Variants in OXNAD1 observed in about 807,000 individuals in gnomAD.
OXNAD1 encodes the protein oxidoreductase NAD binding domain containing 1.
OXNAD1 carries 34 observed loss-of-function variants against 32.9 expected under a neutral mutation model. The observed-to-expected ratio is 1.03, with a 90% confidence interval of 0.79 to 1.38. The LOEUF (loss-of-function observed/expected upper bound fraction) is 1.38. Ranked by LOEUF, OXNAD1 falls within the 40% of genes most tolerant of loss-of-function variation. The probability of loss-of-function intolerance (pLI) is 0.00; values close to 1 mark genes in which losing one functional copy is unlikely to be tolerated. For missense variants in OXNAD1, 407 were observed against 379.4 expected (o/e 1.07, Z -0.60); for synonymous variants, 134 against 135.2 (o/e 0.99, Z 0.06).
chr3:16,339,096 A>G (rs2071124526), downstream of OXNAD1, among the ~76,000 whole-genome samples: 1 of 152,230 alleles, frequency 6.6e-6, no homozygotes, highest in African/African-American at 2.4e-5. Context: ...CTGGGCTGTC[A>G]CAGTCTTGAC....
chr3:16,294,424 G>C (rs1234305706), intron 5 of OXNAD1, among the ~76,000 whole-genome samples: 1 of 152,080 alleles, frequency 6.6e-6, no homozygotes, highest in African/African-American at 2.4e-5. Flanking sequence ...GGTCAGGTTG[G>C]TCTCAAACTC....
At chr3:16,313,269 CT>C (rs917144703) in intron 9 of OXNAD1, among the ~76,000 whole-genome samples, 1 of 146,248 alleles carries the variant, frequency 6.8e-6, no homozygotes, top group African/African-American at 2.6e-5. Context: ...TCTCGAACTC[CT>C]GAGCTCAAGC....
chr3:16,312,085 G>A lies in OXNAD1; in HGVS notation c.*30+8493G>A, dbSNP rs1481999066. On this transcript the variant is annotated intron_variant, in intron 9 of 9. Coordinates refer to the OXNAD1 transcript ENST00000435829. The surrounding 1 kb of genome is among the most constrained non-coding windows in gnomAD (Gnocchi z 4.7). Reference sequence around the variant, plus strand: ...GCCAGGTTCAGAGAGCCATTCATCTGCAGCCAGGGTTCATTTTCTTAGTCT... The same window carrying A: ...GCCAGGTTCAGAGAGCCATTCATCTACAGCCAGGGTTCATTTTCTTAGTCT... Among the ~76,000 whole-genome samples, 1 of 152,164 alleles carries A rather than the reference G, an allele frequency of 6.6e-6. No individual in the cohort carries two copies. Among genetic ancestry groups the A allele is most frequent in the African/African-American group, 2.4e-5 (1 of 41,430 alleles).
In OXNAD1 at chr3:16,346,433, A is replaced by G. The variant is rs1270760672; in HGVS notation, c.*31-2743A>G. 1 of 152,248 alleles carries G rather than the reference A, an allele frequency of 6.6e-6. No individual in the cohort carries two copies. Among genetic ancestry groups the G allele is most frequent in the African/African-American group, 2.4e-5 (1 of 41,460 alleles). 9.4% of individuals were successfully genotyped at this position (152,248 alleles called of 1,614,324 possible). On this transcript the variant is annotated intron_variant, in intron 9 of 9. Transcript: ENST00000606098. The surrounding 1 kb of genome is among the most constrained non-coding windows in gnomAD (Gnocchi z 4.4). ...AAGTGCAGATAAAGATTAAAGGTCA[A>G]ATACTTCCTTTTGTCATCTCATTAT...
Position 16,265,966 on chromosome 3 carries a change from G to C in OXNAD1, c.-159+461G>C, listed in dbSNP as rs2064465559. On this transcript the variant is annotated intron_variant, in intron 1 of 8. Coordinates refer to ENST00000285083, the MANE Select transcript of OXNAD1 (RefSeq NM_138381.5). This position sits in a 1 kb window ranked among gnomAD's most constrained non-coding sequence, Gnocchi z 4.8. Reference sequence around the variant, plus strand: ...CGAAATGCAGATAAAAGGCATTTTTGTCTTGAAAGCAGTGCTAGTGCCTGT... The same window carrying C: ...CGAAATGCAGATAAAAGGCATTTTTCTCTTGAAAGCAGTGCTAGTGCCTGT... 3.2e-6 allele frequency: 3 copies of C among 929,376 alleles called. No individual in the cohort carries two copies. In the African/African-American group the frequency reaches 5.4e-5, roughly 17 times the overall value. The allele number at this position is 929,376 out of a possible 1,614,324, so 57.6% of individuals were successfully genotyped here.
intron 9 of OXNAD1, among the ~76,000 whole-genome samples, chr3:16,319,848 C>T (rs1011836242): frequency 1.3e-5 from 2 of 152,204 alleles, no homozygotes; most frequent in Admixed American, 6.5e-5. Flanking sequence ...TGAGCTCTGA[C>T]ATCCACACCA....
chr3:16,340,770 C>T (rs1391663301), downstream of OXNAD1, among the ~76,000 whole-genome samples: 2 of 152,148 alleles, frequency 1.3e-5, no homozygotes, highest in Admixed American at 6.5e-5. Flanking sequence ...TTCTGAACAA[C>T]ATCAAGAATT....
downstream of OXNAD1, among the ~76,000 whole-genome samples, chr3:16,306,798 A>G (rs2067593558): frequency 6.6e-6 from 1 of 152,212 alleles, no homozygotes; most frequent in Middle Eastern, 3.4e-3. Context: ...AGCCTGTATT[A>G]TAAAGTGGTG....
rs1247264183 is a variant in OXNAD1, at chr3:16,297,553, T to C, written c.432+2556T>C. On this transcript the variant is annotated intron_variant, in intron 6 of 8. Coordinates refer to ENST00000285083, the MANE Select transcript of OXNAD1 (RefSeq NM_138381.5). The surrounding 1 kb of genome is among the most constrained non-coding windows in gnomAD (Gnocchi z 4.3). ...TATAAAAGCATAACATGAATATTTA[T>C]AGCAGTTCTATTCATAATTATTAAA... Among the ~76,000 whole-genome samples, 2 of 152,260 alleles carry C rather than the reference T, an allele frequency of 1.3e-5. No homozygotes were observed. Among genetic ancestry groups the C allele is most frequent in the African/African-American group, 4.8e-5 (2 of 41,464 alleles).
At chr3:16,282,367 T>TAACAAAAAAAAAA (rs2065805551) in intron 4 of OXNAD1, among the ~76,000 whole-genome samples, 1 of 145,588 alleles carries the variant, frequency 6.9e-6, no homozygotes, top group Non-Finnish European at 1.5e-5. Context: ...CCACCCAGCT[T>TAACAAAAAAAAAA]AAAAAAAAAA....
rs368744276 is a variant in OXNAD1 at position 16,271,084 on chromosome 3, G to A, written c.119+13G>A. The A allele has an allele frequency of 6.2e-7, 1 of 1,612,924 alleles. No homozygotes were observed. The highest frequency in any genetic ancestry group is 1.3e-5 in the African/African-American group (1 of 74,874). ...TTACTCTAACCAGGTGAGTCATTAAGACTTCTGTGTCATTTGAAGTTAATT... is the reference window on the plus strand; with the variant it reads ...TTACTCTAACCAGGTGAGTCATTAAAACTTCTGTGTCATTTGAAGTTAATT... On this transcript the variant is annotated intron_variant, in intron 3 of 8. Coordinates refer to ENST00000285083, the MANE Select transcript of OXNAD1 (RefSeq NM_138381.5). The surrounding 1 kb of genome is among the most constrained non-coding windows in gnomAD (Gnocchi z 4.6).
At chr3:16,270,890 A>G (rs1323097060) in intron 2 of OXNAD1, 55 bp from the exon 3 acceptor site, 2 of 1,609,298 alleles carry the variant, frequency 1.2e-6, no homozygotes, top group Admixed American at 1.7e-5. Context: ...AAATAGTCTG[A>G]TATTTCCCCA....
downstream of OXNAD1, among the ~76,000 whole-genome samples, chr3:16,341,969 GCTTTC>G (rs1444098732): frequency 6.6e-6 from 1 of 152,140 alleles, no homozygotes; most frequent in African/African-American, 2.4e-5. The surrounding 1 kb of genome is among the most constrained non-coding windows in gnomAD (Gnocchi z 4.7). Flanking sequence ...GGTTTACTTT[GCTTTC>G]TTTTCTTGAC....
rs574928949 is a variant in OXNAD1 at position 16,271,047 on chromosome 3, C to T, written c.95C>T (p.Thr32Ile). The change falls in exon 3 of 9, where the codon ACT becomes ATT. Residue 32 changes from threonine (T) to isoleucine (I), a missense_variant. Coordinates refer to ENST00000285083, the MANE Select transcript of OXNAD1 (RefSeq NM_138381.5). The surrounding 1 kb of genome is among the most constrained non-coding windows in gnomAD (Gnocchi z 4.6). The stretch of plus-strand genomic sequence containing the variant: ...GCGTCACTGAGATTGACACTCAGCA[C>T]TTTGCGCCACCTTACTCTAACCAGG... The part of the protein sequence containing the change: ...EAASLRLTLS[T>I]LRHLTLTSIM... The T allele has an allele frequency of 6.2e-7, 1 of 1,614,152 alleles. No individual in the cohort carries two copies. Among genetic ancestry groups the T allele is most frequent in the Non-Finnish European group, 8.5e-7 (1 of 1,180,008 alleles).
intron 5 of OXNAD1, 31 bp downstream of exon 5, chr3:16,286,479 A>G (rs755281362): frequency 6.4e-7 from 1 of 1,559,298 alleles, no homozygotes. Flanking sequence ...CCATGTATGT[A>G]TGTTCAAGAA....
chr3:16,317,118 C>T lies in OXNAD1; in HGVS notation c.*30+13526C>T, dbSNP rs1423406997. ...ATGTCTCCAGCTTTGGAAGACTGGT[C>T]TTCTAAGTTCTTCTCATTTTCTTCT... On this transcript the variant is annotated intron_variant, in intron 9 of 9. Transcript: ENST00000435829. This position sits in a 1 kb window ranked among gnomAD's most constrained non-coding sequence, Gnocchi z 4.3. 3 of 1,613,716 alleles carry T rather than the reference C, an allele frequency of 1.9e-6. No homozygotes were observed. The highest frequency in any genetic ancestry group is 1.7e-5 in the Admixed American group (1 of 59,984).
Position 16,320,313 on chromosome 3 carries a change from A to G in OXNAD1, c.*30+16721A>G, listed in dbSNP as rs984048868. ...TGAAAAGTCCTGATTAGAAAAATCTATCCATGTTGCTGATTAAAAGAAGAC... is the reference window on the plus strand; with the variant it reads ...TGAAAAGTCCTGATTAGAAAAATCTGTCCATGTTGCTGATTAAAAGAAGAC... On this transcript the variant is annotated intron_variant, in intron 9 of 9. Coordinates refer to the OXNAD1 transcript ENST00000435829. The surrounding 1 kb of genome is among the most constrained non-coding windows in gnomAD (Gnocchi z 4.5). Among the ~76,000 whole-genome samples, 2 of 152,188 alleles carry G rather than the reference A, an allele frequency of 1.3e-5. No individual in the cohort carries two copies. The highest frequency in any genetic ancestry group is 2.9e-5 in the Non-Finnish European group (2 of 68,024).
chr3:16,334,510 A>G lies in OXNAD1; in HGVS notation c.*31-2602A>G, dbSNP rs908828809. 1.2e-4 allele frequency among the ~76,000 whole-genome samples: 19 copies of G among 152,340 alleles called. No homozygotes were observed. Among genetic ancestry groups the G allele is most frequent in the African/African-American group, 4.3e-4 (18 of 41,578 alleles). Reference sequence around the variant, plus strand: ...ACTGGAAACTACTCAAGTGCCCATCAGTGCTGGATTTGTATTTAACATTAT... The same window carrying G: ...ACTGGAAACTACTCAAGTGCCCATCGGTGCTGGATTTGTATTTAACATTAT... On this transcript the variant is annotated intron_variant, in intron 9 of 9. Transcript: ENST00000435829. This position sits in a 1 kb window ranked among gnomAD's most constrained non-coding sequence, Gnocchi z 4.3.
Position 16,329,582 on chromosome 3 carries a change from C to T in OXNAD1, c.*31-7530C>T, listed in dbSNP as rs1431903996. On this transcript the variant is annotated intron_variant, in intron 9 of 9. Transcript: ENST00000435829. The surrounding 1 kb of genome is among the most constrained non-coding windows in gnomAD (Gnocchi z 4.5). ...CTTCCAGACCAGCACAGCCCGTATT[C>T]CTCCTGCTGGGTGCCACGCTCACCA... 6.6e-6 allele frequency among the ~76,000 whole-genome samples: 1 copy of T among 152,170 alleles called. No individual in the cohort carries two copies. Among genetic ancestry groups the T allele is most frequent in the Non-Finnish European group, 1.5e-5 (1 of 68,030 alleles).
Sources: allele counts gnomAD v4.1 joint callset (sites outside exome capture counted in the v4.1 genomes callset), GRCh38; gene constraint gnomAD v4.1.1; non-coding constraint Gnocchi (gnomAD v3.1); transcripts MANE v1.5; gene names NCBI Gene and HGNC (gene_info 2026-07-23, HGNC 2026-07-21).